The following ROBO2 variants were observed in gnomAD, a reference collection of about 807,000 sequenced individuals.
The protein encoded by ROBO2 is roundabout guidance receptor 2.
ROBO2 carries 53 observed loss-of-function variants against 160.8 expected under a neutral mutation model. The observed-to-expected ratio is 0.33, with a 90% confidence interval of 0.26 to 0.41. ROBO2 has a LOEUF of 0.41. Among genes scored for constraint, ROBO2 ranks in the 10% least tolerant of loss-of-function variants. The probability of loss-of-function intolerance (pLI) is 1.00; values close to 1 mark genes in which losing one functional copy is unlikely to be tolerated. For synonymous variants in ROBO2, 664 were observed against 611.7 expected (o/e 1.09, Z -1.26); for missense variants, 1,577 against 1,722.4 (o/e 0.92, Z 1.49).
At chr3:77,528,268 T>G (rs2091350573) in intron 6 of ROBO2, among the ~76,000 whole-genome samples, 1 of 151,638 alleles carries the variant, frequency 6.6e-6, no homozygotes, top group Admixed American at 6.6e-5. Flanking sequence ...TGACCAAATT[T>G]AGTACACTGC....
At chr3:77,562,713 T>A in exon 10 of ROBO2, 1 of 1,612,482 alleles carries the variant, frequency 6.2e-7, no homozygotes, top group Non-Finnish European at 8.5e-7. Flanking sequence ...CTTCCTGGAG[T>A]GCAGTGCTGG....
At chr3:76,886,704 CA>C (rs2073918710) in intron 2 of ROBO2, among the ~76,000 whole-genome samples, 1 of 151,900 alleles carries the variant, frequency 6.6e-6, no homozygotes, top group African/African-American at 2.4e-5. Context: ...GACTAGAAAT[CA>C]GGAGAGCACA....
At chr3:77,244,997 T>G (rs1160829283) in intron 2 of ROBO2, among the ~76,000 whole-genome samples, 1 of 151,884 alleles carries the variant, frequency 6.6e-6, no homozygotes, top group Non-Finnish European at 1.5e-5. Context: ...AATAATTTTA[T>G]TCAGATTTTG....
At chr3:75,963,520 A>T (rs1038827632) in intron 2 of ROBO2, among the ~76,000 whole-genome samples, 3 of 151,796 alleles carry the variant, frequency 2.0e-5, no homozygotes, top group African/African-American at 7.2e-5. Flanking sequence ...TGTCATTATA[A>T]TACTTGATAA....
intron 2 of ROBO2, among the ~76,000 whole-genome samples, chr3:77,345,784 G>A (rs1581217123): frequency 6.6e-6 from 1 of 152,044 alleles, no homozygotes; most frequent in South Asian, 2.1e-4. Context: ...AGTATAATGA[G>A]TGGTGATTAT....
Position 76,266,902 on chromosome 3 carries a change from G to A in ROBO2, c.109+329300G>A, listed in dbSNP as rs183620035. On this transcript the variant is annotated intron_variant, in intron 2 of 26. Coordinates refer to the ROBO2 transcript ENST00000487694. ...TCCCTTAGATCTCTCAAATAAGTAA[G>A]TGACTCTAATCCTTAGGAAATAGCT... Among the ~76,000 whole-genome samples, 662 of 152,238 alleles carry A rather than the reference G, an allele frequency of 4.3e-3. 5 individuals are homozygous for A. The highest frequency in any genetic ancestry group is 0.015 in the African/African-American group (638 of 41,556).
chr3:77,045,856 A>G (rs2064604882), intron 1 of ROBO2, among the ~76,000 whole-genome samples: 1 of 152,236 alleles, frequency 6.6e-6, no homozygotes, highest in Non-Finnish European at 1.5e-5. Context: ...ATATAAATGC[A>G]ATCATACAAT....
chr3:75,949,054 G>T (rs201147317), intron 2 of ROBO2, among the ~76,000 whole-genome samples: 1 of 151,816 alleles, frequency 6.6e-6, no homozygotes, highest in East Asian at 1.9e-4. Flanking sequence ...TTAGATTTTT[G>T]TATTTAAAAT....
At chr3:76,347,436 ACTTT>A (rs1289134659) in intron 2 of ROBO2, among the ~76,000 whole-genome samples, 1 of 152,098 alleles carries the variant, frequency 6.6e-6, no homozygotes, top group African/African-American at 2.4e-5. Flanking sequence ...GTGAATTCTC[ACTTT>A]CTAATAACAG....
At chr3:77,585,857 C>G (rs2094032686) in intron 16 of ROBO2, among the ~76,000 whole-genome samples, 1 of 152,052 alleles carries the variant, frequency 6.6e-6, no homozygotes, top group South Asian at 2.1e-4. Context: ...TTTACACTTT[C>G]CCATTGTCTA....
At chr3:76,146,851 C>T (rs1361833682) in intron 2 of ROBO2, among the ~76,000 whole-genome samples, 1 of 146,644 alleles carries the variant, frequency 6.8e-6, no homozygotes, top group Non-Finnish European at 1.5e-5. Context: ...AGGATACCCA[C>T]CTCTCCCCTC....
At chr3:76,668,009 T>TA (rs1318704741) in intron 2 of ROBO2, among the ~76,000 whole-genome samples, 1 of 152,158 alleles carries the variant, frequency 6.6e-6, no homozygotes, top group Non-Finnish European at 1.5e-5. Flanking sequence ...ATTTAAATTT[T>TA]AAAAAATGAG....
At chr3:76,774,105 C>A (rs1490807338) in intron 2 of ROBO2, among the ~76,000 whole-genome samples, 1 of 150,904 alleles carries the variant, frequency 6.6e-6, no homozygotes, top group African/African-American at 2.4e-5. Flanking sequence ...GAAACTAAAT[C>A]ATAAACACAA....
chr3:76,540,972 G>A (rs745408624), intron 2 of ROBO2, among the ~76,000 whole-genome samples: 10 of 151,950 alleles, frequency 6.6e-5, no homozygotes, highest in Admixed American at 1.3e-4. Context: ...GCTAAATTTT[G>A]TATTTTTAGT....
Position 76,652,842 on chromosome 3 carries a change from A to ATTT in ROBO2, c.110-445172_110-445171insTTT. ...TAAAGAATAGTACCATTAGAAAAAC[A>ATTT]ATGAAGGGTTATGGCCTCTTTTTTT... On this transcript the variant is annotated intron_variant, in intron 2 of 26. Coordinates refer to the ROBO2 transcript ENST00000487694. 2.0e-5 allele frequency among the ~76,000 whole-genome samples: 3 copies of ATTT among 152,202 alleles called. No individual in the cohort carries two copies. In the East Asian group the frequency reaches 5.8e-4, roughly 29 times the overall value.
chr3:76,579,893 A>G (rs1040109762), intron 2 of ROBO2, among the ~76,000 whole-genome samples: 2 of 152,144 alleles, frequency 1.3e-5, no homozygotes, highest in African/African-American at 4.8e-5. Context: ...GAAATTATTT[A>G]TGGCATAAAC....
At chr3:77,343,084 G>GAGAGAGAGAGAGAGAGAGAA (rs35897096) in intron 2 of ROBO2, among the ~76,000 whole-genome samples, 1 of 146,280 alleles carries the variant, frequency 6.8e-6, no homozygotes, top group Non-Finnish European at 1.5e-5. Flanking sequence ...GAGAGAGAGA[G>GAGAGAGAGAGAGAGAGAGAA]AGAACTTTCT....
chr3:76,334,971 T>C (rs1370709600), intron 2 of ROBO2, among the ~76,000 whole-genome samples: 2 of 152,112 alleles, frequency 1.3e-5, no homozygotes, highest in Non-Finnish European at 2.9e-5. Context: ...ACATAAAAAA[T>C]ACTGTTGATA....
intron 2 of ROBO2, among the ~76,000 whole-genome samples, chr3:76,968,963 GGT>G (rs747329090): frequency 2.0e-5 from 3 of 152,126 alleles, no homozygotes; most frequent in Admixed American, 1.3e-4. Context: ...TCTTCATTTT[GGT>G]GTACCCAGCA....
Sources: gnomAD v4.1 joint callset for allele counts (sites outside exome capture counted in the v4.1 genomes callset) on GRCh38, gnomAD v4.1.1 for gene constraint, MANE v1.5 for transcripts, NCBI Gene and HGNC (gene_info 2026-07-23, HGNC 2026-07-21) for gene names.